Variants in KIAA1549L observed in about 807,000 individuals in gnomAD.
The protein encoded by KIAA1549L is KIAA1549 like.
KIAA1549L carries 88 observed loss-of-function variants against 160.7 expected under a neutral mutation model. That is an observed-to-expected ratio of 0.55 (90% CI 0.46 to 0.65). The LOEUF is 0.65. KIAA1549L is among the 30% of genes least tolerant of loss of function. KIAA1549L has a pLI of 0.00. For synonymous variants in KIAA1549L, 950 were observed against 976.7 expected, an observed-to-expected ratio of 0.97 and a Z score of 0.51; for missense variants, 2,258 against 2,437.5, an observed-to-expected ratio of 0.93 and a Z score of 1.55.
intron 1 of KIAA1549L, among the ~76,000 whole-genome samples, chr11:33,431,930 G>A (rs375709199): frequency 7.1e-4 from 108 of 152,360 alleles, no homozygotes; most frequent in African/African-American, 2.5e-3. Context: ...CGAGCTCAGC[G>A]CTGGTGGGCT....
intron 6 of KIAA1549L, among the ~76,000 whole-genome samples, chr11:33,552,981 A>T (rs1854518640): frequency 6.6e-6 from 1 of 152,114 alleles, no homozygotes. Context: ...TTCCCAGGGA[A>T]AATCCCTGGG....
At chr11:33,496,171 G>A (rs1852815182) in intron 1 of KIAA1549L, among the ~76,000 whole-genome samples, 1 of 151,946 alleles carries the variant, frequency 6.6e-6, no homozygotes, top group Admixed American at 6.6e-5. Flanking sequence ...GCCATGTTGG[G>A]CAGGCTGGTC....
rs11499800 is a variant in KIAA1549L, at chr11:33,627,136, A to C, written c.5409+8474A>C. 5.7e-3 allele frequency among the ~76,000 whole-genome samples: 430 copies of C among 75,240 alleles called. 1 individual carries two copies. The highest frequency in any genetic ancestry group is 0.029 in the African/African-American group (386 of 13,486). The allele number at this position is 75,240 out of a possible 152,430, so 49.4% of individuals were successfully genotyped here. On this transcript the variant is annotated intron_variant, in intron 16 of 20. Transcript: ENST00000658780. ...TTGATCATGGTGGATAAGCTTTTTGATGTGCTGCTGGATTCGGTTTGCCAG... is the reference window on the plus strand; with the variant it reads ...TTGATCATGGTGGATAAGCTTTTTGCTGTGCTGCTGGATTCGGTTTGCCAG...
chr11:33,400,088 A>G (rs1157983273), intron 1 of KIAA1549L, among the ~76,000 whole-genome samples: 1 of 152,192 alleles, frequency 6.6e-6, no homozygotes, highest in Non-Finnish European at 1.5e-5. Context: ...TAGAAAAATA[A>G]TTTCTAGAAC....
At chr11:33,536,697 T>C (rs1369943643) in intron 1 of KIAA1549L, among the ~76,000 whole-genome samples, 1 of 152,154 alleles carries the variant, frequency 6.6e-6, no homozygotes, top group East Asian at 1.9e-4. Context: ...ACTCAAAACA[T>C]TGCATGTGTA....
chr11:33,628,264 G>T (rs1000306955), intron 16 of KIAA1549L, among the ~76,000 whole-genome samples: 2 of 152,132 alleles, frequency 1.3e-5, no homozygotes, highest in African/African-American at 2.4e-5. Context: ...ATATTCTGTT[G>T]ATTTGGGGTG....
chr11:33,615,060 A>C (rs913719342), intron 15 of KIAA1549L, among the ~76,000 whole-genome samples: 1 of 152,086 alleles, frequency 6.6e-6, no homozygotes, highest in African/African-American at 2.4e-5. Flanking sequence ...ACTCCATATC[A>C]TACCCTTTAT....
chr11:33,606,831 C>G lies in KIAA1549L; in HGVS notation c.5061+9C>G, dbSNP rs1169337908. 1.3e-6 allele frequency: 2 copies of G among 1,591,276 alleles called. No homozygotes were observed. Among genetic ancestry groups the G allele is most frequent in the East Asian group, 4.5e-5 (2 of 44,008 alleles). ...CAGTCCTCAACGGCGAGGTAAGTGCCTGGAGACCCAGGGCAGGAGATGGTC... is the reference window on the plus strand; with the variant it reads ...CAGTCCTCAACGGCGAGGTAAGTGCGTGGAGACCCAGGGCAGGAGATGGTC... On this transcript the variant is annotated intron_variant, in intron 14 of 20. Transcript: ENST00000658780.
At chr11:33,421,185 A>G (rs1476041149) in intron 1 of KIAA1549L, among the ~76,000 whole-genome samples, 6 of 127,104 alleles carry the variant, frequency 4.7e-5, no homozygotes, top group Non-Finnish European at 7.8e-5. Context: ...CACTCAGGGG[A>G]TGGAGGGGAA....
intron 1 of KIAA1549L, among the ~76,000 whole-genome samples, chr11:33,437,474 C>CAGTT (rs1186119136): frequency 2.0e-5 from 3 of 152,206 alleles, no homozygotes; most frequent in Non-Finnish European, 4.4e-5. Flanking sequence ...TGAAGCCAGA[C>CAGTT]AGTTCTGAGT....
chr11:33,646,393 A>T (rs1485908324), intron 17 of KIAA1549L, among the ~76,000 whole-genome samples: 2 of 152,224 alleles, frequency 1.3e-5, no homozygotes, highest in African/African-American at 4.8e-5. Flanking sequence ...TCTCAGAGCC[A>T]CATGCTAAGG....
chr11:33,638,432 A>AAT, intron 16 of KIAA1549L, among the ~76,000 whole-genome samples: 1 of 19,176 alleles, frequency 5.2e-5, no homozygotes, highest in South Asian at 1.1e-3. Context: ...TAAAAAAAAA[A>AAT]AAAATAAATA....
intron 19 of KIAA1549L, among the ~76,000 whole-genome samples, chr11:33,659,243 G>C (rs1436407982): frequency 6.6e-6 from 1 of 152,076 alleles, no homozygotes; most frequent in Non-Finnish European, 1.5e-5. Flanking sequence ...GTGATCCCGG[G>C]CTTCAGGTGA....
intron 9 of KIAA1549L, among the ~76,000 whole-genome samples, chr11:33,570,452 G>A (rs1855214593): frequency 6.6e-6 from 1 of 152,044 alleles, no homozygotes; most frequent in Non-Finnish European, 1.5e-5. Flanking sequence ...AATCTTGGCA[G>A]GAGGAATTTG....
At chr11:33,598,650 C>T (rs947984983) in intron 12 of KIAA1549L, among the ~76,000 whole-genome samples, 170 bp from the exon 13 acceptor site, 3 of 152,230 alleles carry the variant, frequency 2.0e-5, no homozygotes, top group Non-Finnish European at 2.9e-5. Flanking sequence ...GCTTAACCCA[C>T]GCTGTAGTGT....
chr11:33,497,694 AAAG>A (rs1852852197), intron 1 of KIAA1549L, among the ~76,000 whole-genome samples: 1 of 152,258 alleles, frequency 6.6e-6, no homozygotes. Context: ...AAAATATAAA[AAAG>A]AACACAACAA....
intron 3 of KIAA1549L, among the ~76,000 whole-genome samples, chr11:33,545,759 A>G (rs969074985): frequency 1.3e-5 from 2 of 152,234 alleles, no homozygotes; most frequent in Admixed American, 6.5e-5. Context: ...CAGAAGTCCC[A>G]GGAAACCATG....
chr11:33,456,634 A>C (rs1590258547), intron 1 of KIAA1549L, among the ~76,000 whole-genome samples: 1 of 151,556 alleles, frequency 6.6e-6, no homozygotes, highest in African/African-American at 2.4e-5. Context: ...TTGGTCTTGA[A>C]CTCTTGGGCT....
intron 1 of KIAA1549L, among the ~76,000 whole-genome samples, chr11:33,517,749 C>T (rs1199782325): frequency 6.6e-6 from 1 of 152,066 alleles, no homozygotes; most frequent in Non-Finnish European, 1.5e-5. Context: ...TGTGTATCAC[C>T]ACAGTCCAGA....
Sources: gnomAD v4.1 joint callset for allele counts (sites outside exome capture counted in the v4.1 genomes callset) on GRCh38, gnomAD v4.1.1 for gene constraint, MANE v1.5 for transcripts, NCBI Gene and HGNC (gene_info 2026-07-23, HGNC 2026-07-21) for gene names.